The following NRCAM variants were observed in gnomAD, a reference collection of about 807,000 sequenced individuals.
NRCAM encodes neuronal cell adhesion molecule.
Under a neutral mutation model 156.5 loss-of-function variants are expected in NRCAM, and 83 were observed. The ratio of observed to expected loss-of-function variants is 0.53; its 90% CI spans 0.44 to 0.64. The LOEUF (loss-of-function observed/expected upper bound fraction) is 0.64, where lower values mean the gene tolerates loss of function less well. NRCAM is among the 30% of genes least tolerant of loss of function. NRCAM has a pLI of 0.00. For missense variants in NRCAM, 1,417 were observed against 1,597.3 expected (o/e 0.89, Z 1.92); for synonymous variants, 538 against 563.9 (o/e 0.95, Z 0.65).
chr7:108,339,222 T>A (rs945475549), intron 2 of NRCAM, among the ~76,000 whole-genome samples: 1 of 152,032 alleles, frequency 6.6e-6, no homozygotes, highest in African/African-American at 2.4e-5. Flanking sequence ...CAGTACAGGA[T>A]GATAGATGGT....
At chr7:108,163,469 G>C (rs1269379234) in intron 30 of NRCAM, among the ~76,000 whole-genome samples, 1 of 152,188 alleles carries the variant, frequency 6.6e-6, no homozygotes, top group Non-Finnish European at 1.5e-5. Flanking sequence ...CACTATGGAT[G>C]AAAATGTCCT....
At chr7:108,337,244 C>T (rs1357260106) in intron 2 of NRCAM, among the ~76,000 whole-genome samples, 1 of 140,460 alleles carries the variant, frequency 7.1e-6, no homozygotes, top group Non-Finnish European at 1.5e-5. Context: ...GCCTGGGTGA[C>T]AAAATGAGAC....
intron 1 of NRCAM, among the ~76,000 whole-genome samples, chr7:108,433,649 C>T (rs1162215598): frequency 6.6e-6 from 1 of 152,092 alleles, no homozygotes; most frequent in African/African-American, 2.4e-5. Flanking sequence ...TGGTGCCTTC[C>T]CCCTACCCTC....
rs1192135358 is a variant in NRCAM at position 108,234,603 on chromosome 7, G to A, written c.210C>T (p.Ala70=). 1 of 1,610,112 alleles carries A rather than the reference G, an allele frequency of 6.2e-7. No individual in the cohort carries two copies. The highest frequency in any genetic ancestry group is 8.5e-7 in the Non-Finnish European group (1 of 1,177,026). ...PRENIVIQCE[A]KGKPPPSFSW... is the part of the protein sequence containing the mutation. ...CTCACCTTGGGGGCGGTTTCCCTTT[G>A]GCTTCACACTGGATTACAATATTCT... Residue 70 remains alanine (A), a synonymous_variant, in exon 6 of 33, where the codon GCC becomes GCT. Transcript: ENST00000379028.
intron 11 of NRCAM, among the ~76,000 whole-genome samples, chr7:108,220,709 A>C (rs2091935165): frequency 6.6e-6 from 1 of 152,254 alleles, no homozygotes; most frequent in Admixed American, 6.5e-5. Flanking sequence ...AAGATGAATT[A>C]AGAACTTAAA....
At chr7:108,169,860 T>C (rs2151967680) in intron 28 of NRCAM, among the ~76,000 whole-genome samples, 1 of 152,262 alleles carries the variant, frequency 6.6e-6, no homozygotes, top group African/African-American at 2.4e-5. Flanking sequence ...CTTGGAGTAA[T>C]ATGGAAGATG....
At chr7:108,364,063 A>G (rs1595184898) in intron 2 of NRCAM, among the ~76,000 whole-genome samples, 1 of 152,220 alleles carries the variant, frequency 6.6e-6, no homozygotes, top group African/African-American at 2.4e-5. Context: ...TAACAAATAT[A>G]CCAGCCAAAT....
chr7:108,228,806 C>T (rs762378277), intron 8 of NRCAM, among the ~76,000 whole-genome samples: 9 of 152,248 alleles, frequency 5.9e-5, no homozygotes, highest in Non-Finnish European at 1.2e-4. Context: ...AGCCATAAGT[C>T]ACTTATTTAC....
At position 108,232,362 on chromosome 7, in the gene NRCAM, C is replaced by T; in HGVS notation, c.391G>A (p.Ala131Thr). Residue 131 changes from alanine (A) to threonine (T), a missense_variant, in exon 7 of 33, where the codon GCT (alanine) becomes ACT (threonine). Around this residue, in one of 2 missense-constraint regions of NRCAM, gnomAD observed 1,238 missense variants for 1,336.4 expected, o/e 0.93. Transcript: ENST00000379028. Reference sequence around the variant, plus strand: ...ACAACAATGTTATTAGAAACTGCAGCTCCGCGTTCGTTCCTTGCTGTACAC... The same window carrying T: ...ACAACAATGTTATTAGAAACTGCAGTTCCGCGTTCGTTCCTTGCTGTACAC... ...YQCTARNERG[A>T]AVSNNIVVRP... The T allele has an allele frequency of 6.2e-7, 1 of 1,608,618 alleles. No individual in the cohort carries two copies. Among genetic ancestry groups the T allele is most frequent in the African/African-American group, 1.3e-5 (1 of 74,654 alleles).
chr7:108,177,964 C>T, intron 26 of NRCAM, 26 bp downstream of exon 26: 2 of 1,564,594 alleles, frequency 1.3e-6, no homozygotes, highest in Non-Finnish European at 8.6e-7. Context: ...AACATATTTC[C>T]CCTTCTCTTC....
In NRCAM at chr7:108,240,096, A is replaced by C. The variant is rs777645085; in HGVS notation, c.-32T>G. On this transcript the variant is annotated 5_prime_UTR_variant, in exon 4 of 33. It adds an upstream start codon to the 5' untranslated region. Transcript: ENST00000379028. ...AACTCCTGCTGAGACTCACACACTG[A>C]ATTTCCTTTTCTTCTTTCACAAAAG... 1 of 1,457,126 alleles carries C rather than the reference A, an allele frequency of 6.9e-7. No individual in the cohort carries two copies. Among genetic ancestry groups the C allele is most frequent in the Admixed American group, 1.8e-5 (1 of 55,676 alleles). 90.3% of individuals were successfully genotyped at this position (1,457,126 alleles called of 1,614,324 possible). A position where few individuals can be genotyped will look rare whatever the true frequency, so the allele number is the denominator to read the frequency against.
In NRCAM at chr7:108,180,342, G is replaced by A. The variant is rs2153275648; in HGVS notation, c.2732C>T (p.Thr911Ile). ...KKILTFQGSKTHGMLPGLEPF... is the reference protein window; with the variant it reads ...KKILTFQGSKIHGMLPGLEPF... Reference sequence around the variant, plus strand: ...CTCTAGCCCCGGCAACATGCCATGAGTCTTGCTGCCTTGGAAGGTGAGGAT... The same window carrying A: ...CTCTAGCCCCGGCAACATGCCATGAATCTTGCTGCCTTGGAAGGTGAGGAT... The change falls in exon 25 of 33, where the codon ACT becomes ATT. Residue 911 changes from threonine to isoleucine, a missense_variant. Thr to Ile is a moderately conservative substitution (Grantham distance 89). This residue lies in a region of NRCAM where 1,238 missense variants were observed against 1,336.4 expected (regional missense o/e 0.93). Transcript: ENST00000379028. 1 of 1,614,206 alleles carries A rather than the reference G, an allele frequency of 6.2e-7. No individual in the cohort carries two copies. Among genetic ancestry groups the A allele is most frequent in the Non-Finnish European group, 8.5e-7 (1 of 1,180,012 alleles).
intron 5 of NRCAM, among the ~76,000 whole-genome samples, chr7:108,237,083 C>G (rs2095104325): frequency 6.6e-6 from 1 of 152,138 alleles, no homozygotes; most frequent in Non-Finnish European, 1.5e-5. Flanking sequence ...CATAATTTTC[C>G]TGGTTAATCT....
chr7:108,175,367 AG>A lies in NRCAM; in HGVS notation c.3152-11del, dbSNP rs1323699709. On this transcript the variant is annotated splice_polypyrimidine_tract_variant and intron_variant, in intron 27 of 32. Coordinates refer to ENST00000379028, the MANE Select transcript of NRCAM (RefSeq NM_001037132.4). ...GGTGGAAGAATACCAGCTTTAATGA[AG>A]GGAAACAGAAATAGGACACTATATA... 2 of 1,560,914 alleles carry A rather than the reference AG, an allele frequency of 1.3e-6. No homozygotes were observed. The highest frequency in any genetic ancestry group is 1.7e-6 in the Non-Finnish European group (2 of 1,151,144).
intron 1 of NRCAM, among the ~76,000 whole-genome samples, chr7:108,408,247 T>C (rs891331954): frequency 2.0e-5 from 3 of 152,242 alleles, no homozygotes; most frequent in East Asian, 1.9e-4. Context: ...TATGCTTGTA[T>C]GGAACTGACA....
chr7:108,195,160 G>A (rs1030647189), intron 15 of NRCAM, among the ~76,000 whole-genome samples: 1 of 151,970 alleles, frequency 6.6e-6, no homozygotes, highest in African/African-American at 2.4e-5. Flanking sequence ...AAAATCCCAG[G>A]GGATGTCCAT....
chr7:108,282,312 C>T (rs932849160), intron 3 of NRCAM, among the ~76,000 whole-genome samples: 2 of 152,198 alleles, frequency 1.3e-5, no homozygotes, highest in African/African-American at 4.8e-5. Flanking sequence ...TACCTCAGTG[C>T]TTATCTCTCT....
At chr7:108,183,035 A>T in intron 22 of NRCAM, 115 bp from the exon 23 acceptor site, 1 of 832,912 alleles carries the variant, frequency 1.2e-6, no homozygotes, top group Non-Finnish European at 1.9e-6. Flanking sequence ...AAATACTAAA[A>T]CACAAGCTAT....
At chr7:108,160,880 A>C (rs2048503170) in intron 30 of NRCAM, among the ~76,000 whole-genome samples, 1 of 152,242 alleles carries the variant, frequency 6.6e-6, no homozygotes. Flanking sequence ...TTTTAAACAG[A>C]ACAGAATGTA....
Sources: allele counts gnomAD v4.1 joint callset (sites outside exome capture counted in the v4.1 genomes callset), GRCh38; gene constraint gnomAD v4.1.1; regional missense constraint gnomAD v4.1.1; transcripts MANE v1.5; gene names NCBI Gene and HGNC (gene_info 2026-07-23, HGNC 2026-07-21).